Variants in WDR27 observed in about 807,000 individuals in gnomAD.
WDR27 encodes the protein WD repeat-containing protein 27.
WDR27 carries 100 observed loss-of-function variants against 114.4 expected under a neutral mutation model. The ratio of observed to expected loss-of-function variants is 0.87; its 90% CI spans 0.74 to 1.03. WDR27 has a LOEUF of 1.03. WDR27 is among the 50% of genes least tolerant of loss of function. The probability of loss-of-function intolerance (pLI) is 0.00; values close to 1 mark genes in which losing one functional copy is unlikely to be tolerated. For synonymous variants in WDR27, 449 were observed against 423.1 expected, an observed-to-expected ratio of 1.06 and a Z score of -0.75; for missense variants, 1,129 against 1,092.9, an observed-to-expected ratio of 1.03 and a Z score of -0.47.
At chr6:169,536,570 C>T (rs1216789292) in intron 25 of WDR27, among the ~76,000 whole-genome samples, 1 of 152,194 alleles carries the variant, frequency 6.6e-6, no homozygotes, top group African/African-American at 2.4e-5. Flanking sequence ...AAAACCATGG[C>T]TCTGCCAACC....
intron 25 of WDR27, among the ~76,000 whole-genome samples, chr6:169,517,894 T>C (rs756905303): frequency 3.9e-5 from 6 of 152,236 alleles, no homozygotes; most frequent in Non-Finnish European, 5.9e-5. Context: ...TGTCTCTCTG[T>C]CTTTTGGCAC....
At chr6:169,427,800 A>G in the WDR27 span, among the ~76,000 whole-genome samples, 11 of 139,410 alleles carry the variant, frequency 7.9e-5, no homozygotes, top group African/African-American at 2.9e-4. Context: ...AGTGAAGACA[A>G]ACAACAACCA....
At chr6:169,464,995 G>A (rs911497328) in intron 25 of WDR27, among the ~76,000 whole-genome samples, 1 of 151,734 alleles carries the variant, frequency 6.6e-6, no homozygotes, top group African/African-American at 2.4e-5. Flanking sequence ...GGGGGCGCAT[G>A]CCTGTAATCC....
intron 2 of WDR27, among the ~76,000 whole-genome samples, chr6:169,672,623 T>C (rs756695412): frequency 6.6e-6 from 1 of 151,366 alleles, no homozygotes; most frequent in Non-Finnish European, 1.5e-5. Context: ...AATAAAAAGA[T>C]ACAGGCTACC....
chr6:169,466,711 G>A (rs1785635339), intron 25 of WDR27, among the ~76,000 whole-genome samples: 1 of 152,162 alleles, frequency 6.6e-6, no homozygotes, highest in South Asian at 2.1e-4. Flanking sequence ...TGGGGATTAT[G>A]AGGATTACAA....
intron 24 of WDR27, among the ~76,000 whole-genome samples, chr6:169,576,699 C>G (rs887989838): frequency 6.7e-6 from 1 of 149,606 alleles, no homozygotes; most frequent in Non-Finnish European, 1.5e-5. Flanking sequence ...CCCAGGAGTT[C>G]GAGGCTGCAC....
At chr6:169,592,186 T>G (rs1210754570) in intron 23 of WDR27, among the ~76,000 whole-genome samples, 1 of 152,192 alleles carries the variant, frequency 6.6e-6, no homozygotes, top group African/African-American at 2.4e-5. Flanking sequence ...GTTACTTGTT[T>G]ATTCTCCCAA....
chr6:169,677,760 G>C (rs1456552053), intron 2 of WDR27, among the ~76,000 whole-genome samples: 3 of 152,268 alleles, frequency 2.0e-5, no homozygotes, highest in Non-Finnish European at 2.9e-5. Flanking sequence ...GCCAGGGCCT[G>C]CTGCCCCACA....
At position 169,572,534 on chromosome 6, in the gene WDR27, A is replaced by G. The variant is rs1454059870; in HGVS notation, c.2530T>C (p.Ser844Pro). The G allele has an allele frequency of 1.8e-5, 2 of 110,394 alleles. No homozygotes were observed. Among genetic ancestry groups the G allele is most frequent in the African/African-American group, 6.9e-5 (2 of 29,002 alleles). The allele number at this position is 110,394 out of a possible 1,614,324, so 6.8% of individuals were successfully genotyped here. ...AFNPSAPQME[S>P]RSVAHAGVQW... ...ACTCCAGCGTGGGCGACAGAGCGAG[A>G]CTCCATCTCAAAAAAAAAAAAAAAA... The change falls in exon 25 of 26, where the codon TCT (serine) becomes CCT (proline). Residue 844 changes from serine (S) to proline (P), a missense_variant. Ser to Pro is a moderately conservative substitution (Grantham distance 74). Coordinates refer to ENST00000448612, the MANE Select transcript of WDR27 (RefSeq NM_182552.5).
intron 25 of WDR27, among the ~76,000 whole-genome samples, chr6:169,535,856 C>T (rs1796142259): frequency 6.6e-6 from 1 of 152,178 alleles, no homozygotes; most frequent in Admixed American, 6.5e-5. Flanking sequence ...TATTGTTTAG[C>T]TCTGACACCC....
Position 169,701,953 on chromosome 6 carries a change from G to A in WDR27, c.-410C>T, listed in dbSNP as rs1379212014. 4 of 377,952 alleles carry A rather than the reference G, an allele frequency of 1.1e-5. No individual in the cohort carries two copies. The highest frequency in any genetic ancestry group is 1.6e-5 in the Non-Finnish European group (3 of 188,884). 23.4% of individuals were successfully genotyped at this position (377,952 alleles called of 1,614,324 possible). On this transcript the variant is annotated 5_prime_UTR_variant, in exon 1 of 26. Coordinates refer to ENST00000448612, the MANE Select transcript of WDR27 (RefSeq NM_182552.5). Reference sequence around the variant, plus strand: ...CCCAGCTCCCAGGAGGGCACGCAGAGGACTACCGAGCCACACTCCGCCCCA... The same window carrying A: ...CCCAGCTCCCAGGAGGGCACGCAGAAGACTACCGAGCCACACTCCGCCCCA...
chr6:169,663,558 C>T (rs4449637), intron 8 of WDR27: 8,786 of 152,496 alleles, frequency 0.058, 710 homozygotes, highest in East Asian at 0.41. Flanking sequence ...AGATAAAAAG[C>T]GCACCTGAGG....
chr6:169,481,809 T>G (rs1386306930), intron 25 of WDR27, among the ~76,000 whole-genome samples: 2 of 152,212 alleles, frequency 1.3e-5, no homozygotes, highest in African/African-American at 4.8e-5. Flanking sequence ...CCTTCACTCC[T>G]GAAGCCAGTG....
intron 25 of WDR27, among the ~76,000 whole-genome samples, chr6:169,464,614 A>G (rs539298287): frequency 4.1e-4 from 63 of 152,364 alleles, no homozygotes; most frequent in African/African-American, 1.5e-3. Context: ...AAATATTTGC[A>G]AATCATCTAC....
chr6:169,581,300 C>T (rs577759013), intron 24 of WDR27, among the ~76,000 whole-genome samples: 214 of 152,192 alleles, frequency 1.4e-3, no homozygotes, highest in Non-Finnish European at 2.5e-3. Flanking sequence ...CTGACTCCCC[C>T]CATAAATCAC....
chr6:169,650,415 TCCA>T (rs1419566672), intron 14 of WDR27, among the ~76,000 whole-genome samples: 1 of 124,342 alleles, frequency 8.0e-6, no homozygotes, highest in Non-Finnish European at 1.7e-5. Context: ...CCCTCATCTA[TCCA>T]CCCACTCATC....
In WDR27 at chr6:169,658,330, A is replaced by G. The variant is rs1304247389; in HGVS notation, c.1348T>C (p.Tyr450His). The G allele has an allele frequency of 9.4e-6, 15 of 1,601,776 alleles. No homozygotes were observed. In the Middle Eastern group the frequency reaches 6.6e-4, roughly 71 times the overall value. ...CTCTTCTCCTTGGCAATTCCCAGAT[A>G]CAGTGGAGAGGTCGGTAGGACACAG... ...SSCVLPTSPLYLGIAKEKSTK... is the reference protein window; with the variant it reads ...SSCVLPTSPLHLGIAKEKSTK... The change falls in exon 13 of 26, where the codon TAT becomes CAT. Residue 450 changes from tyrosine (Y) to histidine (H), a missense_variant. By Grantham distance (83) the Tyr-to-His change is moderately conservative. Coordinates refer to ENST00000448612, the MANE Select transcript of WDR27 (RefSeq NM_182552.5).
chr6:169,616,459 G>A (rs777888788), intron 21 of WDR27, among the ~76,000 whole-genome samples: 12 of 152,154 alleles, frequency 7.9e-5, no homozygotes, highest in Non-Finnish European at 1.3e-4. Flanking sequence ...CTGCCCTCCA[G>A]CCTGGCGATA....
In WDR27 at chr6:169,634,534, G is replaced by GA; in HGVS notation, c.2004-10dup. 1 of 1,592,074 alleles carries GA rather than the reference G, an allele frequency of 6.3e-7. No individual in the cohort carries two copies. ...TGCTCTTCTGTTTATATCTGGAAGA[G>GA]AAAATCAAGATGATCAATATTTTTG... On this transcript the variant is annotated splice_polypyrimidine_tract_variant and intron_variant, in intron 19 of 25. Coordinates refer to ENST00000448612, the MANE Select transcript of WDR27 (RefSeq NM_182552.5).
Sources: gnomAD v4.1 joint callset for allele counts (sites outside exome capture counted in the v4.1 genomes callset) on GRCh38, gnomAD v4.1.1 for gene constraint, MANE v1.5 for transcripts, NCBI Gene and HGNC (gene_info 2026-07-23, HGNC 2026-07-21) for gene names.